Variants in LRRIQ1 observed in about 807,000 individuals in gnomAD.
The protein encoded by LRRIQ1 is leucine rich repeats and IQ motif containing 1.
LRRIQ1 carries 210 observed loss-of-function variants against 211.9 expected under a neutral mutation model. The ratio of observed to expected loss-of-function variants is 0.99; its 90% confidence interval spans 0.89 to 1.11. The LOEUF (loss-of-function observed/expected upper bound fraction) is 1.11, where lower values mean the gene tolerates loss of function less well. Among genes scored for constraint, LRRIQ1 ranks in the 50% most tolerant of loss-of-function variants. The probability of loss-of-function intolerance (pLI) is 0.00; values close to 1 mark genes in which losing one functional copy is unlikely to be tolerated. For synonymous variants in LRRIQ1, 699 were observed against 650.1 expected, an observed-to-expected ratio of 1.08 and a Z score of -1.14; for missense variants, 2,136 against 1,939.5, an observed-to-expected ratio of 1.10 and a Z score of -1.90.
rs182519275 is a variant in LRRIQ1 at position 85,118,325 on chromosome 12, A to G, written c.3378-3372A>G. On this transcript the variant is annotated intron_variant, in intron 15 of 26. Transcript: ENST00000393217. ...TTATTAGCAAAGCGTCAAGATTTTT[A>G]TCTGCTTCATAATATGTAGATCATC... is the stretch of plus-strand genomic sequence containing the variant. 3.6e-3 allele frequency among the ~76,000 whole-genome samples: 549 copies of G among 152,208 alleles called. 17 individuals are homozygous for G. The highest frequency in any genetic ancestry group is 0.033 in the Admixed American group (498 of 15,276).
At chr12:85,224,318 C>G (rs544260361) in intron 24 of LRRIQ1, among the ~76,000 whole-genome samples, 335 of 152,156 alleles carry the variant, frequency 2.2e-3, no homozygotes, top group African/African-American at 7.8e-3. Flanking sequence ...TTAGTTCAAC[C>G]ATTGTGGAAG....
At chr12:85,262,555 T>G (rs927665192) in intron 1 of LRRIQ1, among the ~76,000 whole-genome samples, 4 of 151,872 alleles carry the variant, frequency 2.6e-5, no homozygotes, top group African/African-American at 9.7e-5. Flanking sequence ...TATAAATAAT[T>G]ATAGCAATTT....
chr12:85,040,915 GTA>G (rs1283258234), intron 3 of LRRIQ1, among the ~76,000 whole-genome samples: 2 of 151,410 alleles, frequency 1.3e-5, no homozygotes, highest in Non-Finnish European at 3.0e-5. Context: ...GGCAGTATCA[GTA>G]TATACATCTT....
chr12:85,236,208 A>G (rs763004542), intron 26 of LRRIQ1, among the ~76,000 whole-genome samples: 3 of 152,194 alleles, frequency 2.0e-5, no homozygotes, highest in Non-Finnish European at 4.4e-5. Flanking sequence ...GCAGTTAAAA[A>G]TACATTTTTA....
intron 24 of LRRIQ1, among the ~76,000 whole-genome samples, chr12:85,194,777 G>T (rs1380847652): frequency 1.3e-5 from 2 of 152,040 alleles, no homozygotes; most frequent in Non-Finnish European, 2.9e-5. Context: ...AAAAGCAAGA[G>T]CAAACACATT....
intron 18 of LRRIQ1, among the ~76,000 whole-genome samples, chr12:85,130,811 C>T (rs1888695508): frequency 6.6e-6 from 1 of 152,122 alleles, no homozygotes; most frequent in African/African-American, 2.4e-5. Flanking sequence ...CCAGAGACTG[C>T]TCTCTGTTCA....
At chr12:85,247,915 A>G (rs1895778109), downstream of LRRIQ1, among the ~76,000 whole-genome samples, 1 of 151,686 alleles carries the variant, frequency 6.6e-6, no homozygotes, top group Non-Finnish European at 1.5e-5. Context: ...GTTTCCTTAC[A>G]AAGAGGCCAA....
chr12:85,126,594 GAAT>G (rs1888382559), intron 17 of LRRIQ1, among the ~76,000 whole-genome samples: 1 of 152,080 alleles, frequency 6.6e-6, no homozygotes, highest in South Asian at 2.1e-4. Flanking sequence ...GTTGGAATAT[GAAT>G]ATTTTTTTCA....
intron 6 of LRRIQ1, chr12:85,048,731 AG>A (rs1334522648): frequency 6.6e-6 from 1 of 152,178 alleles, no homozygotes; most frequent in Non-Finnish European, 1.5e-5. Flanking sequence ...TGAGATCAAA[AG>A]CTTTAAAAAA....
intron 25 of LRRIQ1, among the ~76,000 whole-genome samples, chr12:85,231,831 A>G (rs934641063): frequency 1.2e-4 from 19 of 152,068 alleles, no homozygotes; most frequent in African/African-American, 4.6e-4. Context: ...ACACCTCTCC[A>G]CTAGTTTCCA....
intron 17 of LRRIQ1, among the ~76,000 whole-genome samples, chr12:85,125,030 T>A (rs1047127309): frequency 6.6e-6 from 1 of 151,930 alleles, no homozygotes; most frequent in Non-Finnish European, 1.5e-5. Flanking sequence ...ATACAAAAAA[T>A]TAGCCGGGCG....
At chr12:85,099,352 C>T (rs558331388) in intron 13 of LRRIQ1, among the ~76,000 whole-genome samples, 20 of 151,926 alleles carry the variant, frequency 1.3e-4, no homozygotes, top group Non-Finnish European at 2.7e-4. Flanking sequence ...GTCTCATTCT[C>T]TCAAATGGTA....
chr12:85,156,381 AAG>A (rs1445748071), intron 23 of LRRIQ1, among the ~76,000 whole-genome samples: 1 of 151,790 alleles, frequency 6.6e-6, no homozygotes, highest in Non-Finnish European at 1.5e-5. Context: ...AAGCATGAAA[AAG>A]AAAATCTGAG....
chr12:85,130,765 A>G (rs1888692744), intron 18 of LRRIQ1, among the ~76,000 whole-genome samples: 1 of 152,206 alleles, frequency 6.6e-6, no homozygotes, highest in Non-Finnish European at 1.5e-5. Context: ...CCGGGGCTTA[A>G]GAAGGATCAA....
intron 10 of LRRIQ1, among the ~76,000 whole-genome samples, chr12:85,068,218 G>A (rs186423518): frequency 6.1e-4 from 93 of 151,942 alleles, no homozygotes; most frequent in African/African-American, 2.2e-3. Context: ...GGCTCCCAGA[G>A]GATACCATAC....
rs911028764 is a variant in LRRIQ1, at chr12:85,153,861, T to A, written c.4637+103T>A. The stretch of plus-strand genomic sequence containing the variant: ...TTTAAGAATACCTATATTAGTTTTT[T>A]ATAAATTGTCCATCCAATTTAGTTT... On this transcript the variant is annotated intron_variant, in intron 22 of 26. Coordinates refer to ENST00000393217, the MANE Select transcript of LRRIQ1 (RefSeq NM_001079910.2). 4 of 957,402 alleles carry A rather than the reference T, an allele frequency of 4.2e-6. No homozygotes were observed. In the African/African-American group the frequency reaches 5.1e-5, roughly 12 times the overall value. The allele number at this position is 957,402 out of a possible 1,614,324, so 59.3% of individuals were successfully genotyped here.
At chr12:85,124,730 T>C in intron 17 of LRRIQ1, 1 of 477,582 alleles carries the variant, frequency 2.1e-6, no homozygotes, top group East Asian at 3.9e-5. Flanking sequence ...TAAATTCTCA[T>C]TTAATTTCTA....
intron 16 of LRRIQ1, among the ~76,000 whole-genome samples, 178 bp downstream of exon 16, chr12:85,122,054 A>G (rs1360464518): frequency 6.6e-6 from 1 of 152,154 alleles, no homozygotes. Flanking sequence ...ATATATTAAT[A>G]TGTATTTTGA....
At chr12:85,210,403 C>T (rs2137064694) in intron 24 of LRRIQ1, among the ~76,000 whole-genome samples, 1 of 152,252 alleles carries the variant, frequency 6.6e-6, no homozygotes, top group Admixed American at 6.5e-5. Context: ...GATGATAAAA[C>T]ACGATGTTTT....
Sources: allele counts gnomAD v4.1 joint callset (sites outside exome capture counted in the v4.1 genomes callset), GRCh38; gene constraint gnomAD v4.1.1; transcripts MANE v1.5; gene names NCBI Gene and HGNC (gene_info 2026-07-23, HGNC 2026-07-21).